Variants in SLC17A8 observed in about 807,000 individuals in gnomAD.
SLC17A8 encodes the protein solute carrier family 17 member 8, also known as vesicular glutamate transporter 3.
A neutral mutation model predicts 58.0 loss-of-function variants in SLC17A8; 31 were observed. The ratio of observed to expected loss-of-function variants is 0.53; its 90% CI spans 0.40 to 0.72. SLC17A8 has a LOEUF of 0.72. Ranked by LOEUF, SLC17A8 falls within the 30% of genes least tolerant of loss-of-function variation. The pLI, the probability that SLC17A8 is intolerant of heterozygous loss-of-function variation, is 0.00. For missense variants in SLC17A8, 655 were observed against 727.8 expected (o/e 0.90, Z 1.15); for synonymous variants, 228 against 249.0 (o/e 0.92, Z 0.79).
chr12:100,359,297 G>C (rs940496941), intron 1 of SLC17A8, among the ~76,000 whole-genome samples: 1 of 152,030 alleles, frequency 6.6e-6, no homozygotes, highest in African/African-American at 2.4e-5. Flanking sequence ...AAATTTGATT[G>C]CTTTTTTCAA....
chr12:100,404,433 A>G (rs761333846), intron 9 of SLC17A8: 2 of 463,722 alleles, frequency 4.3e-6, no homozygotes, highest in African/African-American at 2.0e-5. Context: ...CTACCTATCC[A>G]TATGTTTTGG....
chr12:100,419,175 A>G (rs927833611), intron 11 of SLC17A8, among the ~76,000 whole-genome samples: 3 of 152,218 alleles, frequency 2.0e-5, no homozygotes, highest in African/African-American at 7.2e-5. Flanking sequence ...AATTTAGCTG[A>G]CTATGTGAAG....
chr12:100,391,016 T>C lies in SLC17A8; in HGVS notation c.370T>C (p.Trp124Arg). ...TCATTTCCAGACAGCACAGTTTAAC[T>C]GGGATCCAGAAACAGTGGGCCTTAT... ...KPEIQTAQFN[W>R]DPETVGLIHG... The change falls in exon 3 of 12, where the codon TGG (tryptophan) becomes CGG (arginine). Residue 124 changes from tryptophan to arginine, a missense_variant. Trp to Arg is a moderately radical substitution (Grantham distance 101, BLOSUM62 -3). Transcript: ENST00000323346. The C allele has an allele frequency of 6.2e-7, 1 of 1,611,390 alleles. No individual in the cohort carries two copies. Among genetic ancestry groups the C allele is most frequent in the East Asian group, 2.2e-5 (1 of 44,846 alleles).
chr12:100,396,099 G>A (rs777831398), intron 4 of SLC17A8, among the ~76,000 whole-genome samples: 1 of 152,186 alleles, frequency 6.6e-6, no homozygotes, highest in Non-Finnish European at 1.5e-5. Context: ...ATTCATGAGG[G>A]CTACACCCTT....
chr12:100,387,034 C>T (rs990616960), intron 2 of SLC17A8, among the ~76,000 whole-genome samples: 1 of 152,160 alleles, frequency 6.6e-6, no homozygotes. Context: ...GTTTTTTCCA[C>T]GTCTTGGCTA....
intron 1 of SLC17A8, among the ~76,000 whole-genome samples, chr12:100,376,751 A>G (rs183846012): frequency 7.2e-4 from 109 of 152,334 alleles, no homozygotes; most frequent in Non-Finnish European, 1.1e-3. Flanking sequence ...TCCTTGTTTT[A>G]GCTGCTAGGA....
Position 100,373,001 on chromosome 12 carries a change from G to T in SLC17A8, c.102-7700G>T, listed in dbSNP as rs190392929. On this transcript the variant is annotated intron_variant, in intron 1 of 11. Coordinates refer to ENST00000323346, the MANE Select transcript of SLC17A8 (RefSeq NM_139319.3). ...TTAGTGGGAACATTTGAATTGCAAA[G>T]AAATAGTTCTTTAAGTGCCTAAGGA... Among the ~76,000 whole-genome samples the T allele has an allele frequency of 2.1e-4, 32 of 152,286 alleles. No individual in the cohort carries two copies. The South Asian group carries it at 4.4e-3, about 21-fold the overall frequency.
At chr12:100,381,568 C>CAGAGAGAGAGAG (rs112159680) in intron 2 of SLC17A8, among the ~76,000 whole-genome samples, 83 of 149,016 alleles carry the variant, frequency 5.6e-4, no homozygotes, top group African/African-American at 1.7e-3. Context: ...AAGAAAGAGA[C>CAGAGAGAGAGAG]AGAGAGAGAG....
At chr12:100,412,915 T>C (rs1952881085) in intron 10 of SLC17A8, 35 bp downstream of exon 10, 2 of 1,486,122 alleles carry the variant, frequency 1.3e-6, no homozygotes, top group Non-Finnish European at 1.9e-6. Flanking sequence ...ATCTTGACTA[T>C]AGATTCAACA....
chr12:100,403,805 G>A (rs1315350143), intron 8 of SLC17A8, among the ~76,000 whole-genome samples: 1 of 152,144 alleles, frequency 6.6e-6, no homozygotes, highest in Non-Finnish European at 1.5e-5. Context: ...AAAAGTCATC[G>A]CTGCCCTCAA....
At chr12:100,397,034 C>G (rs1024747883) in intron 5 of SLC17A8, among the ~76,000 whole-genome samples, 1 of 152,184 alleles carries the variant, frequency 6.6e-6, no homozygotes, top group African/African-American at 2.4e-5. Context: ...TACCAACCTT[C>G]CACTTTAATT....
chr12:100,406,967 A>G (rs1952830369), intron 9 of SLC17A8, among the ~76,000 whole-genome samples: 1 of 152,194 alleles, frequency 6.6e-6, no homozygotes, highest in African/African-American at 2.4e-5. Context: ...GGCAATGGAG[A>G]TGGAGAGAGG....
At chr12:100,367,232 A>G (rs1412095047) in intron 1 of SLC17A8, among the ~76,000 whole-genome samples, 1 of 152,214 alleles carries the variant, frequency 6.6e-6, no homozygotes, top group Non-Finnish European at 1.5e-5. Flanking sequence ...AGTTAAAGAG[A>G]GACCTTTTAA....
At chr12:100,368,828 C>A (rs1376938861) in intron 1 of SLC17A8, among the ~76,000 whole-genome samples, 1 of 152,188 alleles carries the variant, frequency 6.6e-6, no homozygotes, top group Non-Finnish European at 1.5e-5. Context: ...AGTAAAGCAA[C>A]CATATTATAT....
At chr12:100,415,433 C>CA (rs71303557) in intron 10 of SLC17A8, among the ~76,000 whole-genome samples, 66,035 of 130,530 alleles carry the variant, frequency 0.51, 16,127 homozygotes, top group Admixed American at 0.54. Flanking sequence ...GATTCTGTCT[C>CA]AAAAAAAAAA....
chr12:100,365,816 A>G (rs1193238799), intron 1 of SLC17A8, among the ~76,000 whole-genome samples: 1 of 152,118 alleles, frequency 6.6e-6, no homozygotes. Context: ...ACATAATGTC[A>G]TCTATTGGTC....
intron 1 of SLC17A8, among the ~76,000 whole-genome samples, chr12:100,366,660 TCTC>T (rs2135972178): frequency 6.6e-6 from 1 of 152,288 alleles, no homozygotes; most frequent in South Asian, 2.1e-4. Context: ...CCTTCGGTCT[TCTC>T]CTTCAGTCTT....
chr12:100,381,073 A>C (rs921780097), intron 2 of SLC17A8, 120 bp downstream of exon 2: 6 of 1,130,002 alleles, frequency 5.3e-6, no homozygotes, highest in Non-Finnish European at 8.0e-6. Flanking sequence ...CCAGGTTGAA[A>C]TTAACCTCCC....
chr12:100,401,604 C>T (rs536205941), intron 5 of SLC17A8, among the ~76,000 whole-genome samples, 173 bp from the exon 6 acceptor site: 69 of 152,224 alleles, frequency 4.5e-4, no homozygotes, highest in Middle Eastern at 3.4e-3. Flanking sequence ...GGTGACCTTC[C>T]TCTCCTGGAA....
Sources: gnomAD v4.1 joint callset for allele counts (sites outside exome capture counted in the v4.1 genomes callset) on GRCh38, gnomAD v4.1.1 for gene constraint, MANE v1.5 for transcripts, NCBI Gene and HGNC (gene_info 2026-07-23, HGNC 2026-07-21) for gene names.